The following ASCC2 variants were observed in gnomAD, a reference collection of about 807,000 sequenced individuals.
ASCC2 encodes the protein activating signal cointegrator 1 complex subunit 2.
A neutral mutation model predicts 93.5 loss-of-function variants in ASCC2; 42 were observed. That is an observed-to-expected ratio of 0.45 (90% CI 0.35 to 0.58). The LOEUF (loss-of-function observed/expected upper bound fraction) is 0.58, where lower values mean the gene tolerates loss of function less well. Ranked by LOEUF, ASCC2 falls within the 20% of genes least tolerant of loss-of-function variation. The pLI is 0.00. For synonymous variants in ASCC2, 364 were observed against 384.2 expected, an observed-to-expected ratio of 0.95 and a Z score of 0.62; for missense variants, 859 against 977.6, an observed-to-expected ratio of 0.88 and a Z score of 1.62.
At chr22:29,793,316 G>T in intron 17 of ASCC2, 44 bp downstream of exon 17, 1 of 1,608,532 alleles carries the variant, frequency 6.2e-7, no homozygotes. Flanking sequence ...CCATGGGCCT[G>T]AGAGCTGCTC....
At chr22:29,830,118 G>A (rs2148349149) in intron 2 of ASCC2, among the ~76,000 whole-genome samples, 1 of 152,228 alleles carries the variant, frequency 6.6e-6, no homozygotes, top group East Asian at 1.9e-4. Flanking sequence ...CCCCAATTTA[G>A]TGCTGCTGTT....
intron 2 of ASCC2, 32 bp downstream of exon 2, chr22:29,832,213 T>G: frequency 6.4e-7 from 1 of 1,567,910 alleles, no homozygotes; most frequent in Non-Finnish European, 8.8e-7. Flanking sequence ...ACTGACAATA[T>G]CAGGCTGAAT....
intron 9 of ASCC2, 34 bp from the exon 10 acceptor site, chr22:29,806,938 A>T (rs1369690947): frequency 6.4e-7 from 1 of 1,559,428 alleles, no homozygotes; most frequent in Non-Finnish European, 8.8e-7. Context: ...CAGGTTTAGG[A>T]GACAAAAAGG....
chr22:29,816,540 A>C (rs2060873147), intron 5 of ASCC2: 1 of 152,990 alleles, frequency 6.5e-6, no homozygotes, highest in Non-Finnish European at 1.5e-5. Flanking sequence ...TTCCAGGGAG[A>C]TATTTCTCCG....
In ASCC2 at chr22:29,802,204, A is replaced by T; in HGVS notation, c.1358T>A (p.Met453Lys). Reference protein sequence around the residue: ...HPENSEEEECMGAAAAVGPAM... With the variant: ...HPENSEEEECKGAAAAVGPAM... ...AGGGCCCACAGCCGCGGCTGCTCCC[A>T]TGCACTGTAGTGAGAGCCAGAGCCA... Residue 453 changes from methionine to lysine, a missense_variant, in exon 14 of 20, where the codon ATG becomes AAG. Physicochemically the swap from Met to Lys is moderately conservative, Grantham distance 95. Coordinates refer to ENST00000307790, the MANE Select transcript of ASCC2 (RefSeq NM_032204.5). 2 of 1,613,990 alleles carry T rather than the reference A, an allele frequency of 1.2e-6. No homozygotes were observed. The highest frequency in any genetic ancestry group is 4.5e-5 in the East Asian group (2 of 44,860).
intron 15 of ASCC2, among the ~76,000 whole-genome samples, chr22:29,798,844 T>A (rs2058749458): frequency 6.6e-6 from 1 of 152,260 alleles, no homozygotes; most frequent in South Asian, 2.1e-4. Flanking sequence ...CTGGTGCTAC[T>A]AAATCTCTTA....
Position 29,804,828 on chromosome 22 carries a change from T to C in ASCC2, c.1163A>G (p.Asp388Gly). ...GAGGATGTAGGCAGTCCGCGTCTCG[T>C]CCCTGTGAGGACTTGTTAAGGGGTC... ...SLLQQASSVL[D>G]ETRTAYILQA... The change falls in exon 13 of 20, where the codon GAC becomes GGC. Residue 388 changes from aspartate to glycine, a missense_variant and splice_region_variant. Asp to Gly is a moderately conservative substitution (Grantham distance 94). Coordinates refer to ENST00000307790, the MANE Select transcript of ASCC2 (RefSeq NM_032204.5). 1.9e-6 allele frequency: 3 copies of C among 1,613,902 alleles called. No homozygotes were observed. The highest frequency in any genetic ancestry group is 2.5e-6 in the Non-Finnish European group (3 of 1,179,842).
intron 18 of ASCC2, among the ~76,000 whole-genome samples, chr22:29,791,364 G>A (rs548333722): frequency 7.2e-5 from 11 of 151,774 alleles, no homozygotes; most frequent in South Asian, 4.2e-4. Context: ...GCGACAAAGC[G>A]AGACTCTGTC....
intron 19 of ASCC2, 150 bp from the exon 20 acceptor site, chr22:29,789,334 A>T: frequency 1.0e-6 from 1 of 988,064 alleles, no homozygotes; most frequent in Non-Finnish European, 1.5e-6. Context: ...GGAGAGATGG[A>T]GCCCAGCAGG....
intron 2 of ASCC2, among the ~76,000 whole-genome samples, chr22:29,828,133 C>T (rs960329597): frequency 4.6e-5 from 7 of 152,196 alleles, no homozygotes; most frequent in Non-Finnish European, 1.0e-4. Flanking sequence ...GGATAAGGGA[C>T]GGCTTCCCAG....
rs781078504 is a variant in ASCC2 at position 29,789,147 on chromosome 22, G to C, written c.2140C>G (p.Pro714Ala). 3.7e-6 allele frequency: 6 copies of C among 1,614,064 alleles called. No homozygotes were observed. In the African/African-American group the frequency reaches 6.7e-5, roughly 18 times the overall value. ...TCGCGGCTCTGCCCATGGCCTCGGG[G>C]GCTGCCGGCCACTGCTGTTGAGCTG... ...HDSSTAVAGS[P>A]RGHGQSRETT... Residue 714 changes from proline to alanine, a missense_variant, in exon 20 of 20, where the codon CCC (proline) becomes GCC (alanine). Coordinates refer to ENST00000307790, the MANE Select transcript of ASCC2 (RefSeq NM_032204.5).
At chr22:29,795,260 A>T (rs2058289040) in intron 15 of ASCC2, among the ~76,000 whole-genome samples, 2 of 152,046 alleles carry the variant, frequency 1.3e-5, no homozygotes, top group South Asian at 4.2e-4. Context: ...ACAGGGTCTC[A>T]CTATATTGCC....
intron 1 of ASCC2, among the ~76,000 whole-genome samples, chr22:29,836,958 T>A (rs1047147407): frequency 6.6e-6 from 1 of 152,194 alleles, no homozygotes; most frequent in Non-Finnish European, 1.5e-5. Context: ...CTTACAGTCA[T>A]AATGGGGAAA....
Position 29,801,086 on chromosome 22 carries a change from G to A in ASCC2, c.1593C>T (p.Pro531=), listed in dbSNP as rs147981454. Residue 531 remains proline (P), a synonymous_variant, in exon 15 of 20, where the codon CCC becomes CCT. Coordinates refer to ENST00000307790, the MANE Select transcript of ASCC2 (RefSeq NM_032204.5). ...LDREMKPDPT[P]LLTSRHNVFQ... is the part of the protein sequence containing the mutation. Reference sequence around the variant, plus strand: ...AGACGTTGTGGCGAGACGTCAGCAGGGGTGTAGGGTCTGGTTTCATTTCTC... The same window carrying A: ...AGACGTTGTGGCGAGACGTCAGCAGAGGTGTAGGGTCTGGTTTCATTTCTC... 1.2e-6 allele frequency: 2 copies of A among 1,604,872 alleles called. No homozygotes were observed. The highest frequency in any genetic ancestry group is 1.7e-6 in the Non-Finnish European group (2 of 1,172,360).
At chr22:29,816,197 A>C in intron 5 of ASCC2, 124 bp from the exon 6 acceptor site, 1 of 804,806 alleles carries the variant, frequency 1.2e-6, no homozygotes, top group Admixed American at 2.2e-5. Context: ...TCCTATCTGC[A>C]GCTAGGACCT....
At chr22:29,806,071 A>C in intron 12 of ASCC2, 145 bp downstream of exon 12, 3 of 808,494 alleles carry the variant, frequency 3.7e-6, no homozygotes. Flanking sequence ...CAAGGCTGGG[A>C]CCTTGGCAGG....
At chr22:29,830,835 G>A (rs577299682) in intron 2 of ASCC2, among the ~76,000 whole-genome samples, 1 of 152,328 alleles carries the variant, frequency 6.6e-6, no homozygotes, top group South Asian at 2.1e-4. Context: ...TGTGCGCCTG[G>A]CACTGGAAAT....
chr22:29,830,691 T>C (rs1363119700), intron 2 of ASCC2, among the ~76,000 whole-genome samples: 1 of 152,242 alleles, frequency 6.6e-6, no homozygotes, highest in Non-Finnish European at 1.5e-5. Context: ...GAGAAGCTAC[T>C]GGTCTGTCTT....
At chr22:29,832,013 T>A (rs2063214389) in intron 2 of ASCC2, among the ~76,000 whole-genome samples, 1 of 152,046 alleles carries the variant, frequency 6.6e-6, no homozygotes, top group South Asian at 2.1e-4. Flanking sequence ...TTAAATGCTT[T>A]GGGGGGAAGG....
Sources: gnomAD v4.1 joint callset for allele counts (sites outside exome capture counted in the v4.1 genomes callset) on GRCh38, gnomAD v4.1.1 for gene constraint, MANE v1.5 for transcripts, NCBI Gene and HGNC (gene_info 2026-07-23, HGNC 2026-07-21) for gene names.